The following PPP6R1 variants were observed in gnomAD, a reference collection of about 807,000 sequenced individuals.
PPP6R1 encodes serine/threonine-protein phosphatase 6 regulatory subunit 1.
PPP6R1 carries 39 observed loss-of-function variants against 104.6 expected under a neutral mutation model. That is an observed-to-expected ratio of 0.37 (90% confidence interval 0.29 to 0.49). The LOEUF (loss-of-function observed/expected upper bound fraction) is 0.49. Ranked by LOEUF, PPP6R1 falls within the 20% of genes least tolerant of loss-of-function variation. PPP6R1 has a pLI of 0.98. For synonymous variants in PPP6R1, 549 were observed against 479.0 expected, an observed-to-expected ratio of 1.15 and a Z score of -1.91; for missense variants, 1,181 against 1,155.8, an observed-to-expected ratio of 1.02 and a Z score of -0.32.
chr19:55,244,412 G>A (rs1460780902), intron 5 of PPP6R1, among the ~76,000 whole-genome samples: 3 of 152,248 alleles, frequency 2.0e-5, no homozygotes, highest in Middle Eastern at 3.2e-3. Context: ...AGGGGAGGAT[G>A]TGAGGGCGCT....
chr19:55,252,329 A>C lies in PPP6R1; in HGVS notation c.-6-5220T>G, dbSNP rs144644190. The stretch of plus-strand genomic sequence containing the variant: ...ACCGCAACCTCCAGCTCCTGGGTTC[A>C]AGCATATCTCCTGCCTCAGCCTCCC... On this transcript the variant is annotated intron_variant, in intron 1 of 23. Transcript: ENST00000412770. Among the ~76,000 whole-genome samples, 1,359 of 151,496 alleles carry C rather than the reference A, an allele frequency of 9.0e-3. 18 individuals are homozygous for C. Among genetic ancestry groups the C allele is most frequent in the African/African-American group, 0.031 (1,271 of 41,184 alleles).
intron 5 of PPP6R1, among the ~76,000 whole-genome samples, chr19:55,243,764 C>T (rs577237610): frequency 3.3e-5 from 5 of 152,228 alleles, no homozygotes; most frequent in Non-Finnish European, 7.4e-5. Flanking sequence ...GAGATCCTCC[C>T]GTCTCAGACT....
intron 21 of PPP6R1, 35 bp from the exon 22 acceptor site, chr19:55,230,919 G>A (rs1404973586): frequency 3.9e-6 from 6 of 1,519,796 alleles, no homozygotes; most frequent in South Asian, 2.3e-5. Context: ...TGTCAGCGTG[G>A]CCCCCACCGT....
chr19:55,232,253 AC>A (rs2087356291), intron 17 of PPP6R1, 42 bp from the exon 18 acceptor site: 1 of 1,500,340 alleles, frequency 6.7e-7, no homozygotes, highest in East Asian at 2.5e-5. Flanking sequence ...TGTGGGACAG[AC>A]CGGCCGACAC....
intron 5 of PPP6R1, among the ~76,000 whole-genome samples, chr19:55,243,263 A>AT (rs1170335607): frequency 3.3e-5 from 5 of 152,102 alleles, no homozygotes; most frequent in African/African-American, 1.2e-4. Flanking sequence ...AAATAAAAAA[A>AT]TTAGCCAGGC....
Position 55,245,477 on chromosome 19 carries a change from T to C in PPP6R1, c.414+15A>G. 6.2e-7 allele frequency: 1 copy of C among 1,609,422 alleles called. No homozygotes were observed. Among genetic ancestry groups the C allele is most frequent in the East Asian group, 2.2e-5 (1 of 44,684 alleles). Reference sequence around the variant, plus strand: ...CCCTCAACCCACGGTGGCGCCAGGGTGGGGGCCAGGGCACCTGGTCTGTCT... The same window carrying C: ...CCCTCAACCCACGGTGGCGCCAGGGCGGGGGCCAGGGCACCTGGTCTGTCT... On this transcript the variant is annotated intron_variant, in intron 3 of 23. Coordinates refer to ENST00000412770, the MANE Select transcript of PPP6R1 (RefSeq NM_014931.4). This position sits in a 1 kb window ranked among gnomAD's most constrained non-coding sequence, Gnocchi z 6.4.
In PPP6R1 at chr19:55,231,657, G is replaced by A. The variant is rs377524914; in HGVS notation, c.2318C>T (p.Pro773Leu). Reference protein sequence around the residue: ...RDALQLRSQDPTPPSAPQEAT... With the variant: ...RDALQLRSQDLTPPSAPQEAT... ...TTCCTGAGGTGCTGAGGGGGGTGTG[G>A]GGTCCTGAGACCTGGTAGGCGAGAG... Residue 773 changes from proline (P) to leucine (L), a missense_variant, in exon 20 of 24, where the codon CCC becomes CTC. This residue lies in a region of PPP6R1 where 1,042 missense variants were observed against 955.6 expected (regional missense o/e 1.09). Coordinates refer to ENST00000412770, the MANE Select transcript of PPP6R1 (RefSeq NM_014931.4). The A allele has an allele frequency of 3.6e-5, 58 of 1,608,740 alleles. No homozygotes were observed. The highest frequency in any genetic ancestry group is 4.4e-5 in the Non-Finnish European group (52 of 1,177,422).
intron 1 of PPP6R1, among the ~76,000 whole-genome samples, chr19:55,248,234 T>G (rs1449424684): frequency 6.6e-6 from 1 of 152,142 alleles, no homozygotes. Context: ...GCTGTGCACA[T>G]GATGTCCAAG....
In PPP6R1 at chr19:55,230,122, G is replaced by C. The variant is rs2087325952; in HGVS notation, c.*406C>G. On this transcript the variant is annotated 3_prime_UTR_variant, in exon 24 of 24. Transcript: ENST00000412770. ...CTGCGCTGCAGCGTGGGACAGCTGGGCACGTGGGTGGCAACCTTGGGACCC... is the reference window on the plus strand; with the variant it reads ...CTGCGCTGCAGCGTGGGACAGCTGGCCACGTGGGTGGCAACCTTGGGACCC... 5.1e-6 allele frequency: 1 copy of C among 196,276 alleles called. No individual in the cohort carries two copies. Among genetic ancestry groups the C allele is most frequent in the South Asian group, 1.1e-4 (1 of 9,448 alleles). The allele number at this position is 196,276 out of a possible 1,614,324, so 12.2% of individuals were successfully genotyped here.
rs1448135050 is a variant in PPP6R1, at chr19:55,230,652, T to A, written c.2603A>T (p.Asn868Ile). The change falls in exon 23 of 24, where the codon AAT (asparagine) becomes ATT (isoleucine). Residue 868 changes from asparagine to isoleucine, a missense_variant. Physicochemically the swap from Asn to Ile is moderately radical, Grantham distance 149. This residue lies in a region of PPP6R1 where 1,042 missense variants were observed against 955.6 expected (regional missense o/e 1.09). Transcript: ENST00000412770. ...TGCAGGCCCTTCCGGGGCAGAGCCATTGGGTATCGGAGGAGGCGTGAGGGC... is the reference window on the plus strand; with the variant it reads ...TGCAGGCCCTTCCGGGGCAGAGCCAATGGGTATCGGAGGAGGCGTGAGGGC... ...AQALTPPPIP[N>I]GSAPEGPASP... 1 of 1,608,828 alleles carries A rather than the reference T, an allele frequency of 6.2e-7. No individual in the cohort carries two copies. The highest frequency in any genetic ancestry group is 8.5e-7 in the Non-Finnish European group (1 of 1,177,784).
At chr19:55,234,314 A>C (rs55734554) in intron 17 of PPP6R1, among the ~76,000 whole-genome samples, 19 of 152,002 alleles carry the variant, frequency 1.2e-4, no homozygotes, top group Admixed American at 2.6e-4. Context: ...GGATAAAAAC[A>C]ACACACAGAC....
At chr19:55,253,409 C>T (rs1034092297) in intron 1 of PPP6R1, among the ~76,000 whole-genome samples, 3 of 152,210 alleles carry the variant, frequency 2.0e-5, no homozygotes, top group African/African-American at 4.8e-5. Flanking sequence ...AACCCCCTAC[C>T]CCTGGTACAG....
chr19:55,250,164 G>A (rs2087542310), intron 1 of PPP6R1, among the ~76,000 whole-genome samples: 1 of 152,214 alleles, frequency 6.6e-6, no homozygotes, highest in South Asian at 2.1e-4. Context: ...ATCAGCCACT[G>A]CGCTCCAGCA....
At position 55,241,544 on chromosome 19, in the gene PPP6R1, A is replaced by C. The variant is rs765466559; in HGVS notation, c.941T>G (p.Val314Gly). ...CGGGCGTAGGGCGTGCAAGGCGCCC[A>C]CACTGGACACAGTGCTTTCCAGGGC... ...QGALESTVSSVGALHALRPRL... is the reference protein window; with the variant it reads ...QGALESTVSSGGALHALRPRL... The change falls in exon 8 of 24, where the codon GTG becomes GGG. Residue 314 changes from valine (V) to glycine (G), a missense_variant. Around this residue, in one of 2 missense-constraint regions of PPP6R1, gnomAD observed 1,042 missense variants for 955.6 expected, o/e 1.09. Transcript: ENST00000412770. This position sits in a 1 kb window ranked among gnomAD's most constrained non-coding sequence, Gnocchi z 5.4. The C allele has an allele frequency of 2.5e-6, 4 of 1,579,332 alleles. No individual in the cohort carries two copies. The highest frequency in any genetic ancestry group is 2.6e-6 in the Non-Finnish European group (3 of 1,163,880).
intron 17 of PPP6R1, among the ~76,000 whole-genome samples, chr19:55,233,841 G>C (rs1471992316): frequency 1.3e-5 from 2 of 152,220 alleles, no homozygotes; most frequent in Non-Finnish European, 2.9e-5. Flanking sequence ...CTTCTTGGTT[G>C]AAATTGACAA....
downstream of PPP6R1, chr19:55,228,222 A>G: frequency 1.2e-6 from 2 of 1,611,826 alleles, no homozygotes; most frequent in Non-Finnish European, 1.7e-6. Context: ...AGATGAGGCA[A>G]GCGTCCCCCA....
At chr19:55,231,011 C>A in intron 21 of PPP6R1, 127 bp from the exon 22 acceptor site, 4 of 804,726 alleles carry the variant, frequency 5.0e-6, no homozygotes, top group African/African-American at 1.7e-5. Flanking sequence ...CGGGGAGGGG[C>A]CTCCCGAGGA....
intron 22 of PPP6R1, 41 bp downstream of exon 22, chr19:55,230,733 G>GCCCCCCCGCCCC: frequency 7.2e-7 from 1 of 1,390,562 alleles, no homozygotes; most frequent in South Asian, 1.3e-5. Flanking sequence ...TGCCCCACCA[G>GCCCCCCCGCCCC]CCCCACCCCC....
chr19:55,241,280 T>C lies in PPP6R1; in HGVS notation c.1120A>G (p.Thr374Ala). The C allele has an allele frequency of 6.2e-7, 1 of 1,606,984 alleles. No individual in the cohort carries two copies. The change falls in exon 9 of 24, where the codon ACG becomes GCG. Residue 374 changes from threonine (T) to alanine (A), a missense_variant. This residue lies in a region of PPP6R1 where 1,042 missense variants were observed against 955.6 expected (regional missense o/e 1.09). Coordinates refer to ENST00000412770, the MANE Select transcript of PPP6R1 (RefSeq NM_014931.4). This position sits in a 1 kb window ranked among gnomAD's most constrained non-coding sequence, Gnocchi z 5.4. ...ACGTCCAGTGCCAGGAGCTCGTGCG[T>C]CAGGGCTGCATCATTGGCGCTCAGG... ...SALSANDAAL[T>A]HELLALDVPN...
Sources: allele counts gnomAD v4.1 joint callset (sites outside exome capture counted in the v4.1 genomes callset), GRCh38; gene constraint gnomAD v4.1.1; regional missense constraint gnomAD v4.1.1; non-coding constraint Gnocchi (gnomAD v3.1); transcripts MANE v1.5; gene names NCBI Gene and HGNC (gene_info 2026-07-23, HGNC 2026-07-21).